The following ZNF343 variants were observed in gnomAD, a reference collection of about 807,000 sequenced individuals.
ZNF343 encodes the protein zinc finger protein 343.
Under a neutral mutation model 13.8 loss-of-function variants are expected in ZNF343, and 11 were observed. The ratio of observed to expected loss-of-function variants is 0.80; its 90% CI spans 0.50 to 1.32. The LOEUF (loss-of-function observed/expected upper bound fraction) is 1.32, where lower values mean the gene tolerates loss of function less well. ZNF343 is among the 40% of genes most tolerant of loss of function. ZNF343 has a pLI of 0.00. For missense variants in ZNF343, 658 were observed against 714.2 expected (o/e 0.92, Z 0.90); for synonymous variants, 248 against 260.0 (o/e 0.95, Z 0.44).
intron 5 of ZNF343, among the ~76,000 whole-genome samples, chr20:2,490,988 AAAG>A (rs1183026707): frequency 3.3e-5 from 5 of 152,226 alleles, no homozygotes; most frequent in African/African-American, 1.2e-4. Flanking sequence ...AAAACACATC[AAAG>A]AAGATGAAAA....
chr20:2,510,899 G>A (rs1414531775), upstream of ZNF343, among the ~76,000 whole-genome samples: 1 of 152,134 alleles, frequency 6.6e-6, no homozygotes. Context: ...TTAGGGAGAG[G>A]TAAGTTGGAA....
chr20:2,495,504 C>T (rs1437897197), intron 2 of ZNF343: 2 of 152,212 alleles, frequency 1.3e-5, no homozygotes, highest in Middle Eastern at 3.4e-3. Context: ...ACAGCATGTC[C>T]GAAGAGGGAC....
chr20:2,513,905 G>T (rs1162168681), upstream of ZNF343, among the ~76,000 whole-genome samples: 1 of 152,176 alleles, frequency 6.6e-6, no homozygotes, highest in Non-Finnish European at 1.5e-5. Context: ...CCACTTAAAT[G>T]AATTTATATG....
At chr20:2,512,678 A>T (rs948474403), upstream of ZNF343, among the ~76,000 whole-genome samples, 5 of 152,192 alleles carry the variant, frequency 3.3e-5, no homozygotes, top group African/African-American at 1.2e-4. Context: ...GACTATAAAG[A>T]TCTAAATATA....
intron 1 of ZNF343, among the ~76,000 whole-genome samples, chr20:2,506,823 A>G (rs1448146582): frequency 6.6e-6 from 1 of 152,134 alleles, no homozygotes; most frequent in Non-Finnish European, 1.5e-5. Flanking sequence ...GAGGGATAGC[A>G]TTTGGAGATA....
At chr20:2,524,194 G>C (rs2085794923) in intron 1 of ZNF343, among the ~76,000 whole-genome samples, 1 of 151,344 alleles carries the variant, frequency 6.6e-6, no homozygotes, top group Non-Finnish European at 1.5e-5. Flanking sequence ...GCACACACCT[G>C]TGCTCCTAGC....
At chr20:2,503,525 C>G (rs1442587239) in intron 1 of ZNF343, among the ~76,000 whole-genome samples, 1 of 152,120 alleles carries the variant, frequency 6.6e-6, no homozygotes, top group Non-Finnish European at 1.5e-5. Context: ...AGCACCACAC[C>G]GCACTTATTC....
Position 2,484,543 on chromosome 20 carries a change from G to A in ZNF343, c.418C>T (p.His140Tyr). The A allele has an allele frequency of 6.2e-7, 1 of 1,614,238 alleles. No individual in the cohort carries two copies. ...GGGCTAGAATTCCCTGGATGGAAGT[G>A]ATTTTCTGCACATAAGCCCAGGAAG... ...QIFLGLCAEN[H>Y]FHPGNSSPGH... The change falls in exon 6 of 6, where the codon CAC becomes TAC. Residue 140 changes from histidine to tyrosine, a missense_variant. By Grantham distance (83) the His-to-Tyr change is moderately conservative (BLOSUM62 2). Coordinates refer to ENST00000278772, the MANE Select transcript of ZNF343 (RefSeq NM_024325.6).
chr20:2,510,568 G>A (rs186230721), upstream of ZNF343, among the ~76,000 whole-genome samples: 42 of 152,324 alleles, frequency 2.8e-4, no homozygotes, highest in Non-Finnish European at 1.5e-5. Flanking sequence ...AGGCCGTTGT[G>A]AGCCAGGAGA....
At position 2,523,671 on chromosome 20, in the gene ZNF343, T is replaced by A. The variant is rs979074801; in HGVS notation, c.-347+784A>T. Among the ~76,000 whole-genome samples, 18 of 146,770 alleles carry A rather than the reference T, an allele frequency of 1.2e-4. No homozygotes were observed. In the South Asian group the frequency reaches 3.9e-3, roughly 32 times the overall value. On this transcript the variant is annotated intron_variant, in intron 1 of 6. Transcript: ENST00000358413. ...CCAGCTAAACCCCACTCCATAGCTA[T>A]GTGTACTTTTTTTTTTTTTTTTTTT...
intron 1 of ZNF343, among the ~76,000 whole-genome samples, chr20:2,519,889 C>T (rs1396084920): frequency 6.6e-6 from 1 of 152,080 alleles, no homozygotes; most frequent in Non-Finnish European, 1.5e-5. Flanking sequence ...TAGGTTCATC[C>T]TAATTTGTTG....
At position 2,483,288 on chromosome 20, in the gene ZNF343, A is replaced by C; in HGVS notation, c.1673T>G (p.Phe558Cys). 1.9e-6 allele frequency: 3 copies of C among 1,610,488 alleles called. No homozygotes were observed. The highest frequency in any genetic ancestry group is 2.5e-6 in the Non-Finnish European group (3 of 1,179,028). Residue 558 changes from phenylalanine (F) to cysteine (C), a missense_variant, in exon 6 of 6, where the codon TTT (phenylalanine) becomes TGT (cysteine). Transcript: ENST00000278772. ...GACAAGGAGGAGTGATTTCCGGCTA[A>C]AGCCTCGGCCACACTCACTGCACAC... ...PYVCSECGRGFSRKSLLLVHQ... is the reference protein window; with the variant it reads ...PYVCSECGRGCSRKSLLLVHQ...
At chr20:2,516,311 C>T (rs59496337) in intron 1 of ZNF343, among the ~76,000 whole-genome samples, 1,637 of 152,018 alleles carry the variant, frequency 0.011, 33 homozygotes, top group African/African-American at 0.038. Context: ...GGCAATGGAG[C>T]GAGACCCTGT....
chr20:2,510,071 G>A (rs1349597993), upstream of ZNF343, among the ~76,000 whole-genome samples: 2 of 152,186 alleles, frequency 1.3e-5, no homozygotes, highest in Admixed American at 1.3e-4. Flanking sequence ...TAGGTGCCTA[G>A]CTCCAAACTC....
intron 1 of ZNF343, among the ~76,000 whole-genome samples, chr20:2,520,359 G>A (rs368621330): frequency 5.9e-5 from 9 of 152,200 alleles, no homozygotes; most frequent in South Asian, 2.1e-4. Context: ...CTAGCCAGGC[G>A]TGGTACCTCA....
chr20:2,513,040 C>T (rs2085745088), upstream of ZNF343, among the ~76,000 whole-genome samples: 1 of 152,004 alleles, frequency 6.6e-6, no homozygotes, highest in Non-Finnish European at 1.5e-5. Flanking sequence ...TTCCAAGCTG[C>T]AGTGAGCCAT....
chr20:2,507,264 CAA>C (rs775388577), intron 1 of ZNF343, among the ~76,000 whole-genome samples: 15 of 57,794 alleles, frequency 2.6e-4, no homozygotes, highest in Admixed American at 3.8e-4. Context: ...AACTGTGTCT[CAA>C]AAAAAAAAAA....
At chr20:2,502,698 T>C (rs2085589733) in intron 1 of ZNF343, among the ~76,000 whole-genome samples, 3 of 152,194 alleles carry the variant, frequency 2.0e-5, no homozygotes, top group South Asian at 4.1e-4. Context: ...CAGAATTTCA[T>C]ATCCAGCCAA....
At chr20:2,513,703 A>G (rs912654831), upstream of ZNF343, among the ~76,000 whole-genome samples, 6 of 152,376 alleles carry the variant, frequency 3.9e-5, no homozygotes, top group Admixed American at 3.9e-4. Flanking sequence ...AGCACTATTC[A>G]GAATAGCTGA....
Sources: gnomAD v4.1 joint callset for allele counts (sites outside exome capture counted in the v4.1 genomes callset) on GRCh38, gnomAD v4.1.1 for gene constraint, MANE v1.5 for transcripts, NCBI Gene and HGNC (gene_info 2026-07-23, HGNC 2026-07-21) for gene names.